Variants in SLC22A23 observed in about 807,000 individuals in gnomAD.
SLC22A23 encodes the protein solute carrier family 22 member 23, also known as ion transporter protein.
In SLC22A23, 26 loss-of-function variants were observed where a neutral mutation model predicts 61.0. The ratio of observed to expected loss-of-function variants is 0.43; its 90% CI spans 0.31 to 0.59. SLC22A23 has a LOEUF of 0.59. SLC22A23 is among the 20% of genes least tolerant of loss of function. The probability of loss-of-function intolerance (pLI) is 0.11; values close to 1 mark genes in which losing one functional copy is unlikely to be tolerated. For missense variants in SLC22A23, 796 were observed against 934.7 expected (o/e 0.85, Z 1.94); for synonymous variants, 430 against 413.9 (o/e 1.04, Z -0.47).
chr6:3,308,115 CACA>C lies in SLC22A23; in HGVS notation c.1083-9900_1083-9898del, dbSNP rs1762114466. Among the ~76,000 whole-genome samples the C allele has an allele frequency of 1.3e-5, 2 of 152,138 alleles. No homozygotes were observed. The highest frequency in any genetic ancestry group is 2.4e-5 in the African/African-American group (1 of 41,408). The stretch of plus-strand genomic sequence containing the variant: ...TAGAAATGGATGGTGGAGATGGCTG[CACA>C]ACATCGCGTTGTGGATGTGGTCACT... On this transcript the variant is annotated intron_variant, in intron 4 of 9. Coordinates refer to ENST00000406686, the MANE Select transcript of SLC22A23 (RefSeq NM_015482.2). This position sits in a 1 kb window ranked among gnomAD's most constrained non-coding sequence, Gnocchi z 5.1.
chr6:3,310,400 TCTCCCACTCAAGCACC>T (rs1223084272), intron 4 of SLC22A23, among the ~76,000 whole-genome samples: 98 of 119,804 alleles, frequency 8.2e-4, no homozygotes, highest in Non-Finnish European at 1.1e-3. Flanking sequence ...GAGCACCCTG[TCTCCCACTCAAGCACC>T]CTGTCTCCCA....
intron 3 of SLC22A23, among the ~76,000 whole-genome samples, chr6:3,357,371 A>G (rs1029317576): frequency 1.3e-5 from 2 of 152,166 alleles, no homozygotes; most frequent in African/African-American, 4.8e-5. Flanking sequence ...TGGCTCAGCA[A>G]TAGTGTAAGG....
At chr6:3,294,610 C>T (rs75922425) in intron 5 of SLC22A23, among the ~76,000 whole-genome samples, 2,843 of 152,298 alleles carry the variant, frequency 0.019, 59 homozygotes, top group African/African-American at 0.047. Context: ...GCTGGCCACA[C>T]GGCCACATTG....
At chr6:3,426,702 G>C (rs1770516984) in intron 1 of SLC22A23, among the ~76,000 whole-genome samples, 2 of 151,690 alleles carry the variant, frequency 1.3e-5, no homozygotes, top group African/African-American at 2.4e-5. Context: ...GCTCAAACTA[G>C]AAGCCAGTAC....
At chr6:3,356,989 AC>A (rs1765144587) in intron 3 of SLC22A23, among the ~76,000 whole-genome samples, 1 of 147,860 alleles carries the variant, frequency 6.8e-6, no homozygotes, top group African/African-American at 2.5e-5. Flanking sequence ...AGCAGCCTGG[AC>A]CATAAAGACA....
chr6:3,304,098 T>G lies in SLC22A23; in HGVS notation c.1083-5880A>C, dbSNP rs1271905965. Among the ~76,000 whole-genome samples the G allele has an allele frequency of 6.6e-6, 1 of 152,226 alleles. No homozygotes were observed. The highest frequency in any genetic ancestry group is 2.4e-5 in the African/African-American group (1 of 41,464). ...GATTCAATTCTGCTGTTCCCCTTTC[T>G]TATCTGGGCCCACGGAGCCCTTGCC... On this transcript the variant is annotated intron_variant, in intron 4 of 9. Coordinates refer to ENST00000406686, the MANE Select transcript of SLC22A23 (RefSeq NM_015482.2). This position sits in a 1 kb window ranked among gnomAD's most constrained non-coding sequence, Gnocchi z 4.3.
At chr6:3,341,680 G>A (rs2127422817) in intron 3 of SLC22A23, among the ~76,000 whole-genome samples, 1 of 151,234 alleles carries the variant, frequency 6.6e-6, no homozygotes, top group East Asian at 1.9e-4. Context: ...GGCTGCCTTT[G>A]ACAGAGTTGG....
chr6:3,316,782 A>T (rs4959804), intron 4 of SLC22A23, among the ~76,000 whole-genome samples: 6 of 152,034 alleles, frequency 3.9e-5, no homozygotes, highest in Non-Finnish European at 7.4e-5. Context: ...GGATACAGAC[A>T]CGTGCTCCCA....
chr6:3,341,041 G>A (rs548589719), intron 3 of SLC22A23, among the ~76,000 whole-genome samples: 4 of 152,326 alleles, frequency 2.6e-5, no homozygotes, highest in African/African-American at 9.6e-5. Flanking sequence ...CTGCTGTGAA[G>A]TCAGGGGTCA....
Position 3,286,980 on chromosome 6 carries a change from G to C in SLC22A23, c.1425C>G (p.Ile475Met). 2 of 1,614,178 alleles carry C rather than the reference G, an allele frequency of 1.2e-6. No homozygotes were observed. The highest frequency in any genetic ancestry group is 1.7e-6 in the Non-Finnish European group (2 of 1,180,044). ...FYADYYTTAS[I>M]ALVSCLAMCV... ...ACATGGCCAGGCAGGACACCAGCGC[G>C]ATGCTGGCCGTGGTATAGTAGTCAG... Residue 475 changes from isoleucine to methionine, a missense_variant, in exon 7 of 10, where the codon ATC (isoleucine) becomes ATG (methionine). Transcript: ENST00000406686. This position sits in a 1 kb window ranked among gnomAD's most constrained non-coding sequence, Gnocchi z 4.2.
Position 3,273,271 on chromosome 6 carries a change from G to A in SLC22A23, c.1845C>T (p.Ile615=). The A allele has an allele frequency of 1.2e-6, 2 of 1,613,644 alleles. No homozygotes were observed. Among genetic ancestry groups the A allele is most frequent in the Non-Finnish European group, 1.7e-6 (2 of 1,179,624 alleles). ...ACCTLICIIC[I]LLLPESRDQN... is the part of the protein sequence containing the mutation. ...GGTCCCTGCTCTCGGGCAGCAGGAG[G>A]ATGCAGATGATGCAGATGAGCGTGC... Residue 615 remains isoleucine (I), a synonymous_variant, in exon 10 of 10, where the codon ATC becomes ATT. Coordinates refer to ENST00000406686, the MANE Select transcript of SLC22A23 (RefSeq NM_015482.2).
chr6:3,299,505 T>C (rs1463183367), intron 4 of SLC22A23, among the ~76,000 whole-genome samples: 2 of 152,142 alleles, frequency 1.3e-5, no homozygotes, highest in Non-Finnish European at 2.9e-5. Context: ...ACAGAATCTT[T>C]TTCTTTTTTT....
intron 3 of SLC22A23, among the ~76,000 whole-genome samples, chr6:3,361,680 C>T (rs1461460324): frequency 6.6e-6 from 1 of 152,236 alleles, no homozygotes; most frequent in Non-Finnish European, 1.5e-5. Context: ...CCAGTCTCAA[C>T]ACAGCAAGCC....
chr6:3,300,091 A>G (rs1350627296), intron 4 of SLC22A23, among the ~76,000 whole-genome samples: 1 of 138,918 alleles, frequency 7.2e-6, no homozygotes, highest in Non-Finnish European at 1.5e-5. Flanking sequence ...GCTCACTGCA[A>G]CCTCCACCTG....
At chr6:3,351,353 G>A (rs777631056) in intron 3 of SLC22A23, among the ~76,000 whole-genome samples, 76 of 152,164 alleles carry the variant, frequency 5.0e-4, no homozygotes, top group Non-Finnish European at 7.5e-4. Context: ...GGTGGAAAAC[G>A]AAGGGGCGAA....
chr6:3,345,857 A>T lies in SLC22A23; in HGVS notation c.914-21855T>A, dbSNP rs184657038. Among the ~76,000 whole-genome samples the T allele has an allele frequency of 1.2e-4, 18 of 152,328 alleles. No homozygotes were observed. In the East Asian group the frequency reaches 3.3e-3, roughly 28 times the overall value. ...AGAACTGGCCTACCTGCTGCTAAGC[A>T]GATTTTGTTTTTGTTTCAGTTTTCT... On this transcript the variant is annotated intron_variant, in intron 3 of 9. Coordinates refer to ENST00000406686, the MANE Select transcript of SLC22A23 (RefSeq NM_015482.2).
In SLC22A23 at chr6:3,271,223, A is replaced by G. The variant is rs879131887; in HGVS notation, c.*1832T>C. On this transcript the variant is annotated 3_prime_UTR_variant, in exon 10 of 10. Transcript: ENST00000406686. ...TGAAACATGGAAATGTGACTTTAAA[A>G]AAGAGGGAAGGTGAGGAGCTGGACG... 2 of 77,634 alleles carry G rather than the reference A, an allele frequency of 2.6e-5. No individual in the cohort carries two copies. The highest frequency in any genetic ancestry group is 4.5e-4 in the South Asian group (1 of 2,222). 4.8% of individuals were successfully genotyped at this position (77,634 alleles called of 1,614,324 possible). A position where few individuals can be genotyped will look rare whatever the true frequency, so the allele number is the denominator to read the frequency against.
chr6:3,272,784 G>T lies in SLC22A23; in HGVS notation c.*271C>A. ...CCATTTGTGATCAGTGAGAGGGAGA[G>T]GGAATAAAGTGCTTCTCGTAAAAAT... On this transcript the variant is annotated 3_prime_UTR_variant, in exon 10 of 10. Transcript: ENST00000406686. 1 of 330,002 alleles carries T rather than the reference G, an allele frequency of 3.0e-6. No individual in the cohort carries two copies. 20.4% of individuals were successfully genotyped at this position (330,002 alleles called of 1,614,324 possible).
At chr6:3,288,164 G>A (rs1760227279) in intron 6 of SLC22A23, among the ~76,000 whole-genome samples, 1 of 152,148 alleles carries the variant, frequency 6.6e-6, no homozygotes, top group Non-Finnish European at 1.5e-5. Context: ...GGTGCCTCAG[G>A]GCTCTCAGGA....
Sources: gnomAD v4.1 joint callset for allele counts (sites outside exome capture counted in the v4.1 genomes callset) on GRCh38, gnomAD v4.1.1 for gene constraint, Gnocchi (gnomAD v3.1) non-coding constraint, MANE v1.5 for transcripts, NCBI Gene and HGNC (gene_info 2026-07-23, HGNC 2026-07-21) for gene names.